Variants in LYPD6 observed in about 807,000 individuals in gnomAD.
LYPD6 encodes ly6/PLAUR domain-containing protein 6.
A neutral mutation model predicts 22.7 loss-of-function variants in LYPD6; 15 were observed. The observed-to-expected ratio is 0.66, with a 90% CI of 0.44 to 1.02. The LOEUF is 1.02. LYPD6 is among the 50% of genes least tolerant of loss of function. The probability of loss-of-function intolerance (pLI) is 0.00; values close to 1 mark genes in which losing one functional copy is unlikely to be tolerated. For synonymous variants in LYPD6, 72 were observed against 77.5 expected (o/e 0.93, Z 0.37); for missense variants, 189 against 208.4 (o/e 0.91, Z 0.57).
the LYPD6 span, among the ~76,000 whole-genome samples, chr2:149,485,953 G>A: frequency 1.3e-5 from 2 of 152,084 alleles, no homozygotes; most frequent in Non-Finnish European, 2.9e-5. Flanking sequence ...TGAATCAGGG[G>A]TTTTAAAACA....
At chr2:149,388,022 G>T (rs1682225995) in intron 1 of LYPD6, among the ~76,000 whole-genome samples, 1 of 152,122 alleles carries the variant, frequency 6.6e-6, no homozygotes, top group Non-Finnish European at 1.5e-5. Flanking sequence ...AAAATGTATT[G>T]TGACCCTCAG....
downstream of LYPD6, among the ~76,000 whole-genome samples, chr2:149,477,622 CAAAAAA>C (rs35507967): frequency 2.1e-4 from 13 of 62,922 alleles, no homozygotes; most frequent in East Asian, 2.3e-3. Flanking sequence ...AACTGTGTCT[CAAAAAA>C]AAAAAAAAAA....
intron 2 of LYPD6, among the ~76,000 whole-genome samples, chr2:149,444,340 A>C (rs934383876): frequency 2.0e-5 from 3 of 152,168 alleles, no homozygotes; most frequent in African/African-American, 7.2e-5. Context: ...TCTTGCCTTG[A>C]TATTGATGGC....
chr2:149,356,394 C>T lies in LYPD6; in HGVS notation c.-72+25672C>T, dbSNP rs191387725. Among the ~76,000 whole-genome samples, 33 of 152,298 alleles carry T rather than the reference C, an allele frequency of 2.2e-4. No individual in the cohort carries two copies. The East Asian group carries it at 3.3e-3, about 15-fold the overall frequency. ...CTATGTATTAGTAAAAGAAAAATCA[C>T]TGTGGGCTGGAGAAGCTTCAAACAC... On this transcript the variant is annotated intron_variant, in intron 1 of 4. Transcript: ENST00000334166.
At chr2:149,363,385 T>G (rs554374108) in intron 1 of LYPD6, among the ~76,000 whole-genome samples, 1 of 152,290 alleles carries the variant, frequency 6.6e-6, no homozygotes, top group South Asian at 2.1e-4. Flanking sequence ...GCACAAAGTG[T>G]TTTAATAATT....
chr2:149,365,400 A>C (rs1207995676), intron 1 of LYPD6, among the ~76,000 whole-genome samples: 1 of 152,212 alleles, frequency 6.6e-6, no homozygotes, highest in Non-Finnish European at 1.5e-5. Flanking sequence ...GAACTGAATC[A>C]ATGTAGGTCT....
At chr2:149,384,187 T>A (rs1214317414) in intron 1 of LYPD6, among the ~76,000 whole-genome samples, 1 of 152,196 alleles carries the variant, frequency 6.6e-6, no homozygotes, top group Non-Finnish European at 1.5e-5. Flanking sequence ...TTTAACAGCA[T>A]CTCAATTATA....
upstream of LYPD6, chr2:149,330,308 G>C (rs1256229198): frequency 1.3e-5 from 2 of 151,780 alleles, no homozygotes; most frequent in African/African-American, 2.4e-5. Context: ...CTGCGGGCGG[G>C]AGCGCGGCGC....
intron 1 of LYPD6, among the ~76,000 whole-genome samples, chr2:149,398,292 G>C (rs950678201): frequency 6.6e-6 from 1 of 151,604 alleles, no homozygotes; most frequent in Non-Finnish European, 1.5e-5. Context: ...TCTATTATTT[G>C]CTTGGCTGTG....
chr2:149,338,013 T>C (rs1355460257), intron 1 of LYPD6, among the ~76,000 whole-genome samples: 2 of 152,220 alleles, frequency 1.3e-5, no homozygotes, highest in African/African-American at 4.8e-5. Flanking sequence ...CCACATTTTT[T>C]TTAATCCAGT....
chr2:149,397,311 G>C (rs1033297321), intron 1 of LYPD6, among the ~76,000 whole-genome samples: 4 of 152,162 alleles, frequency 2.6e-5, no homozygotes, highest in African/African-American at 7.2e-5. Flanking sequence ...GGGAGTCCCA[G>C]ATGGCTTTTT....
intron 1 of LYPD6, among the ~76,000 whole-genome samples, chr2:149,340,148 G>A (rs945199028): frequency 2.0e-5 from 3 of 152,032 alleles, no homozygotes; most frequent in African/African-American, 7.2e-5. Context: ...TTTTGTAGTA[G>A]GATTTTGGGT....
chr2:149,406,052 G>A (rs1208679683), intron 1 of LYPD6, among the ~76,000 whole-genome samples: 6 of 150,958 alleles, frequency 4.0e-5, no homozygotes, highest in African/African-American at 1.2e-4. Context: ...TTTTGAGTGA[G>A]TTTCTTAATC....
intron 2 of LYPD6, among the ~76,000 whole-genome samples, chr2:149,442,368 T>A (rs1212369146): frequency 6.6e-6 from 1 of 152,208 alleles, no homozygotes; most frequent in East Asian, 1.9e-4. Context: ...TCGGTTGAAC[T>A]ATGGCTGACC....
rs749798909 is a variant in LYPD6 at position 149,470,830 on chromosome 2, T to C, written c.496T>C (p.Trp166Arg). 1.2e-4 allele frequency: 189 copies of C among 1,613,098 alleles called. No individual in the cohort carries two copies. The highest frequency in any genetic ancestry group is 1.6e-4 in the Non-Finnish European group (185 of 1,179,458). Residue 166 changes from tryptophan (W) to arginine (R), a missense_variant, in exon 5 of 5, where the codon TGG (tryptophan) becomes CGG (arginine). Trp to Arg is a moderately radical substitution (Grantham distance 101, BLOSUM62 -3). Transcript: ENST00000334166. Reference sequence around the variant, plus strand: ...AGTGATAGTGTCCTGCTTGTGGTTGTGGTTAGGGCTCATGTTATAGTGGCT... The same window carrying C: ...AGTGATAGTGTCCTGCTTGTGGTTGCGGTTAGGGCTCATGTTATAGTGGCT... ...MSVIVSCLWLWLGLML is the reference protein window; with the variant it reads ...MSVIVSCLWLRLGLML
chr2:149,353,651 A>T (rs1057255063), intron 1 of LYPD6, among the ~76,000 whole-genome samples: 1 of 152,158 alleles, frequency 6.6e-6, no homozygotes, highest in Non-Finnish European at 1.5e-5. Context: ...TTTAAAGATG[A>T]ATTACTTGAA....
intron 2 of LYPD6, among the ~76,000 whole-genome samples, chr2:149,442,196 G>A (rs1683583473): frequency 6.6e-6 from 1 of 152,118 alleles, no homozygotes; most frequent in Non-Finnish European, 1.5e-5. Context: ...AATTTGGTAA[G>A]GATAGAAAAA....
intron 1 of LYPD6, among the ~76,000 whole-genome samples, chr2:149,359,350 A>G (rs1334772354): frequency 2.0e-5 from 3 of 152,186 alleles, no homozygotes; most frequent in Non-Finnish European, 4.4e-5. Context: ...AATGATTGCT[A>G]GTGTCTTTAG....
the LYPD6 span, among the ~76,000 whole-genome samples, chr2:149,481,492 C>A: frequency 6.6e-6 from 1 of 152,270 alleles, no homozygotes; most frequent in East Asian, 1.9e-4. Context: ...ATTAGAAACA[C>A]TGTTATGAAC....
Sources: allele counts gnomAD v4.1 joint callset (sites outside exome capture counted in the v4.1 genomes callset), GRCh38; gene constraint gnomAD v4.1.1; transcripts MANE v1.5; gene names NCBI Gene and HGNC (gene_info 2026-07-23, HGNC 2026-07-21).